The following LRRC37A2 variants were observed in gnomAD, a reference collection of about 807,000 sequenced individuals.
LRRC37A2 encodes leucine rich repeat containing 37 member A2, also known as leucine-rich repeat-containing protein 37A2.
LRRC37A2 carries 9 observed loss-of-function variants against 68.8 expected under a neutral mutation model. That is an observed-to-expected ratio of 0.13 (90% CI 0.08 to 0.23). The LOEUF is 0.23. Ranked by LOEUF, LRRC37A2 falls within the 10% of genes least tolerant of loss-of-function variation. The pLI is 1.00. For synonymous variants in LRRC37A2, 63 were observed against 367.6 expected, an observed-to-expected ratio of 0.17 and a Z score of 9.48; for missense variants, 168 against 950.4, an observed-to-expected ratio of 0.18 and a Z score of 10.82.
At chr17:46,771,699 G>C in the LRRC37A2 span, among the ~76,000 whole-genome samples, 1 of 143,202 alleles carries the variant, frequency 7.0e-6, no homozygotes, top group Non-Finnish European at 1.6e-5. Context: ...CCCGCGGCCG[G>C]GCCGCGCCCC....
At chr17:46,949,044 A>G in the LRRC37A2 span, 1 of 152,216 alleles carries the variant, frequency 6.6e-6, no homozygotes, top group Non-Finnish European at 1.5e-5. Flanking sequence ...ACAAATCACC[A>G]CAAAACATAG....
the LRRC37A2 span, among the ~76,000 whole-genome samples, chr17:46,909,455 G>T: frequency 6.6e-6 from 1 of 152,292 alleles, no homozygotes; most frequent in Admixed American, 6.5e-5. Flanking sequence ...GAAAAATATC[G>T]TTTCAACATA....
the LRRC37A2 span, among the ~76,000 whole-genome samples, chr17:46,796,530 G>T: frequency 6.6e-6 from 1 of 152,224 alleles, no homozygotes; most frequent in Non-Finnish European, 1.5e-5. Flanking sequence ...GCCCCTCTCA[G>T]AAGGAGTTGG....
At chr17:46,934,408 G>C in the LRRC37A2 span, among the ~76,000 whole-genome samples, 1 of 152,168 alleles carries the variant, frequency 6.6e-6, no homozygotes, top group Non-Finnish European at 1.5e-5. Context: ...TATGGTCCCA[G>C]CTACTCAGAA....
At chr17:46,709,588 G>A in the LRRC37A2 span, among the ~76,000 whole-genome samples, 4 of 151,592 alleles carry the variant, frequency 2.6e-5, no homozygotes, top group Non-Finnish European at 4.4e-5. Context: ...TCCGCCTCCC[G>A]GGTTCAAGCA....
the LRRC37A2 span, among the ~76,000 whole-genome samples, chr17:46,953,094 T>C: frequency 6.6e-6 from 1 of 152,116 alleles, no homozygotes; most frequent in African/African-American, 2.4e-5. Context: ...ATGTACACAA[T>C]GTGCAGGTTT....
the LRRC37A2 span, among the ~76,000 whole-genome samples, chr17:46,466,728 A>G: frequency 2.0e-5 from 2 of 98,452 alleles, 1 homozygote; most frequent in Non-Finnish European, 4.3e-5. Flanking sequence ...CAGTGCCTCA[A>G]TAAACATGTG....
At chr17:46,883,925 C>T in the LRRC37A2 span, among the ~76,000 whole-genome samples, 1 of 152,194 alleles carries the variant, frequency 6.6e-6, no homozygotes, top group South Asian at 2.1e-4. Flanking sequence ...CCATATTCCT[C>T]CCTGGCTCTC....
chr17:46,777,537 C>T, the LRRC37A2 span, among the ~76,000 whole-genome samples: 1 of 152,382 alleles, frequency 6.6e-6, no homozygotes, highest in South Asian at 2.1e-4. Context: ...GCCACTGAGC[C>T]CTTCCTGCTG....
At chr17:46,952,275 A>T in the LRRC37A2 span, among the ~76,000 whole-genome samples, 1 of 152,176 alleles carries the variant, frequency 6.6e-6, no homozygotes, top group Non-Finnish European at 1.5e-5. Context: ...TCAGCGCCTG[A>T]AGCAGGCCTG....
At chr17:46,999,305 T>C in the LRRC37A2 span, among the ~76,000 whole-genome samples, 3 of 152,318 alleles carry the variant, frequency 2.0e-5, no homozygotes, top group Non-Finnish European at 4.4e-5. Context: ...ACGCCCTTCA[T>C]ACAGTGTTTG....
At chr17:46,959,086 G>A in the LRRC37A2 span, among the ~76,000 whole-genome samples, 1 of 152,202 alleles carries the variant, frequency 6.6e-6, no homozygotes, top group Non-Finnish European at 1.5e-5. Flanking sequence ...GGTCAGGTGA[G>A]AGTCAGTACA....
the LRRC37A2 span, chr17:46,726,437 T>C: frequency 3.3e-6 from 3 of 921,812 alleles, no homozygotes; most frequent in African/African-American, 1.6e-5. Context: ...GTCCAAAGTG[T>C]TGGTGTTTTC....
At chr17:47,023,403 T>C in the LRRC37A2 span, among the ~76,000 whole-genome samples, 26 of 152,200 alleles carry the variant, frequency 1.7e-4, no homozygotes, top group African/African-American at 6.3e-4. Flanking sequence ...AAAATAAACA[T>C]ATGCTAGGCA....
chr17:46,883,101 C>T, the LRRC37A2 span, among the ~76,000 whole-genome samples: 1 of 151,220 alleles, frequency 6.6e-6, no homozygotes, highest in African/African-American at 2.4e-5. Context: ...GCCTCAGCCT[C>T]CCGAGTAGCT....
At chr17:46,868,240 T>G in the LRRC37A2 span, among the ~76,000 whole-genome samples, 1 of 152,174 alleles carries the variant, frequency 6.6e-6, no homozygotes, top group African/African-American at 2.4e-5. Flanking sequence ...GAACCCTGGT[T>G]ACTTGTTTAA....
chr17:46,901,803 A>ATTTT, the LRRC37A2 span, among the ~76,000 whole-genome samples: 488 of 128,172 alleles, frequency 3.8e-3, 19 homozygotes, highest in African/African-American at 0.012. Context: ...TGGAGCAAGA[A>ATTTT]TTTTTTTTTT....
the LRRC37A2 span, chr17:46,923,129 G>C: frequency 1.7e-5 from 19 of 1,142,538 alleles, no homozygotes; most frequent in East Asian, 5.1e-5. Flanking sequence ...AAACCGGAAG[G>C]GGGGCTGTGA....
the LRRC37A2 span, among the ~76,000 whole-genome samples, chr17:46,981,827 T>G: frequency 6.6e-6 from 1 of 152,128 alleles, no homozygotes. Context: ...TACCTCAACT[T>G]TCTGAGTAGC....
Sources: allele counts gnomAD v4.1 joint callset (sites outside exome capture counted in the v4.1 genomes callset), GRCh38; gene constraint gnomAD v4.1.1; transcripts MANE v1.5; gene names NCBI Gene and HGNC (gene_info 2026-07-23, HGNC 2026-07-21).